The following RIOK3 variants were observed in gnomAD, a reference collection of about 807,000 sequenced individuals.
RIOK3 encodes the protein RIO kinase 3.
Under a neutral mutation model 63.5 loss-of-function variants are expected in RIOK3, and 40 were observed. That is an observed-to-expected ratio of 0.63 (90% confidence interval 0.49 to 0.82). The LOEUF (loss-of-function observed/expected upper bound fraction) is 0.82, where lower values mean the gene tolerates loss of function less well. Ranked by LOEUF, RIOK3 falls within the 40% of genes least tolerant of loss-of-function variation. The pLI, the probability that RIOK3 is intolerant of heterozygous loss-of-function variation, is 0.00. For missense variants in RIOK3, 557 were observed against 637.0 expected (o/e 0.87, Z 1.35); for synonymous variants, 193 against 205.0 (o/e 0.94, Z 0.50).
rs1326114430 is a variant in RIOK3 at position 23,476,974 on chromosome 18, C to T, written c.1174-32C>T. ...TCATCAATAATACCACTTAATTATTCATTTCCTAATGTGTGCCTTCCCTCT... is the reference window on the plus strand; with the variant it reads ...TCATCAATAATACCACTTAATTATTTATTTCCTAATGTGTGCCTTCCCTCT... On this transcript the variant is annotated intron_variant, in intron 9 of 12. Transcript: ENST00000339486. 1.1e-5 allele frequency: 17 copies of T among 1,571,446 alleles called. 1 individual carries two copies. The highest frequency in any genetic ancestry group is 1.4e-5 in the Non-Finnish European group (16 of 1,143,568).
chr18:23,462,441 T>G (rs1221269358), intron 1 of RIOK3, among the ~76,000 whole-genome samples: 1 of 152,248 alleles, frequency 6.6e-6, no homozygotes, highest in Admixed American at 6.5e-5. Flanking sequence ...GCGCCTGGCC[T>G]GTTCTTGTTT....
rs749254482 is a variant in RIOK3, at chr18:23,479,455, C to G, written c.1452+31C>G. 2.2e-6 allele frequency: 3 copies of G among 1,378,778 alleles called. No homozygotes were observed. The South Asian group carries it at 3.5e-5, about 16-fold the overall frequency. The allele number at this position is 1,378,778 out of a possible 1,614,324, so 85.4% of individuals were successfully genotyped here. A position where few individuals can be genotyped will look rare whatever the true frequency, so the allele number is the denominator to read the frequency against. On this transcript the variant is annotated intron_variant, in intron 12 of 12. Transcript: ENST00000339486. ...TGATAAACAGCTGTTTTTCACCTTG[C>G]TGGTCATGCAGAACTGCATAGAGGA...
intron 8 of RIOK3, among the ~76,000 whole-genome samples, chr18:23,474,495 A>G (rs986962063): frequency 6.6e-6 from 1 of 152,166 alleles, no homozygotes; most frequent in Non-Finnish European, 1.5e-5. Flanking sequence ...AAATTCTTCA[A>G]CAGTTTTCCA....
Position 23,481,514 on chromosome 18 carries a change from A to T in RIOK3, c.*235A>T. On this transcript the variant is annotated 3_prime_UTR_variant, in exon 13 of 13. Coordinates refer to ENST00000339486, the MANE Select transcript of RIOK3 (RefSeq NM_003831.5). The stretch of plus-strand genomic sequence containing the variant: ...AGGATAATATAATTCTTTAACAGCT[A>T]TAGGTTATCTGGCTGAAGTAGACCT... 1 of 375,060 alleles carries T rather than the reference A, an allele frequency of 2.7e-6. No homozygotes were observed. Among genetic ancestry groups the T allele is most frequent in the Non-Finnish European group, 4.7e-6 (1 of 210,986 alleles). 23.2% of individuals were successfully genotyped at this position (375,060 alleles called of 1,614,324 possible).
chr18:23,473,150 C>T (rs1417527482), intron 7 of RIOK3, among the ~76,000 whole-genome samples: 1 of 152,150 alleles, frequency 6.6e-6, no homozygotes, highest in Non-Finnish European at 1.5e-5. Context: ...CATATGTCTT[C>T]ATTGTATTTC....
chr18:23,476,744 T>TA (rs936401364), intron 9 of RIOK3, among the ~76,000 whole-genome samples: 6 of 151,720 alleles, frequency 4.0e-5, no homozygotes, highest in East Asian at 3.9e-4. Context: ...CCATCTCTAC[T>TA]AAAAAAAATT....
Position 23,464,051 on chromosome 18 carries a change from TG to T in RIOK3, c.265del (p.Asp89ThrfsTer81). ...TGGCTCAGATGCTACAGATGGAATA[TG>T]ACAGAGAATATGATGCACAGCTTAG... The part of the protein sequence containing the change: ...MLAQMLQMEY[D>X]REYDAQLRRE... On this transcript the variant is annotated frameshift_variant, in exon 3 of 13. Coordinates refer to ENST00000339486, the MANE Select transcript of RIOK3 (RefSeq NM_003831.5). LOFTEE classifies it high-confidence loss of function. 1 of 1,613,614 alleles carries T rather than the reference TG, an allele frequency of 6.2e-7. No homozygotes were observed. The highest frequency in any genetic ancestry group is 8.5e-7 in the Non-Finnish European group (1 of 1,179,790).
Position 23,475,118 on chromosome 18 carries a change from C to T in RIOK3, c.1173+11C>T, listed in dbSNP as rs772603911. The T allele has an allele frequency of 1.3e-6, 2 of 1,593,400 alleles. No homozygotes were observed. Among genetic ancestry groups the T allele is most frequent in the East Asian group, 4.5e-5 (2 of 44,760 alleles). Reference sequence around the variant, plus strand: ...TATCAAACTCTTCATGTAAGTTGTGCTTTTAAAAGAATTCACACACTACCT... The same window carrying T: ...TATCAAACTCTTCATGTAAGTTGTGTTTTTAAAAGAATTCACACACTACCT... On this transcript the variant is annotated intron_variant, in intron 9 of 12. Coordinates refer to ENST00000339486, the MANE Select transcript of RIOK3 (RefSeq NM_003831.5).
Position 23,479,470 on chromosome 18 carries a change from T to C in RIOK3, c.1452+46T>C, listed in dbSNP as rs368446501. 17 of 1,115,138 alleles carry C rather than the reference T, an allele frequency of 1.5e-5. No individual in the cohort carries two copies. The African/African-American group carries it at 2.5e-4, about 16-fold the overall frequency. The allele number at this position is 1,115,138 out of a possible 1,614,324, so 69.1% of individuals were successfully genotyped here. ...TTTCACCTTGCTGGTCATGCAGAAC[T>C]GCATAGAGGAGATAACTGAAACCCA... is the stretch of plus-strand genomic sequence containing the variant. On this transcript the variant is annotated intron_variant, in intron 12 of 12. Transcript: ENST00000339486.
intron 7 of RIOK3, among the ~76,000 whole-genome samples, chr18:23,470,182 G>A (rs548123231): frequency 2.0e-5 from 3 of 152,228 alleles, no homozygotes; most frequent in African/African-American, 7.2e-5. Flanking sequence ...GGTTAACACG[G>A]TGAAACTCCG....
chr18:23,455,392 C>CT (rs2057332982), intron 1 of RIOK3, among the ~76,000 whole-genome samples: 1 of 125,306 alleles, frequency 8.0e-6, no homozygotes, highest in Non-Finnish European at 1.7e-5. Context: ...TTTTTTTTTT[C>CT]TTTTTCTTTT....
At chr18:23,480,606 C>T (rs1239431173) in intron 12 of RIOK3, among the ~76,000 whole-genome samples, 2 of 131,252 alleles carry the variant, frequency 1.5e-5, no homozygotes, top group East Asian at 5.0e-4. Context: ...AATTTCAACT[C>T]AAAGGCAGAA....
At chr18:23,465,319 C>T (rs1476249371) in intron 5 of RIOK3, among the ~76,000 whole-genome samples, 2 of 151,852 alleles carry the variant, frequency 1.3e-5, no homozygotes, top group African/African-American at 4.8e-5. Context: ...TGTAGTGAGC[C>T]GAGATCGTGC....
At position 23,464,323 on chromosome 18, in the gene RIOK3, T is replaced by C; in HGVS notation, c.433+10T>C. On this transcript the variant is annotated intron_variant, in intron 4 of 12. Coordinates refer to ENST00000339486, the MANE Select transcript of RIOK3 (RefSeq NM_003831.5). ...GATCCCTACAGACCAGGTACCAAAG[T>C]TTTTACTTTCTGGGGGCAGCAGAAT... The C allele has an allele frequency of 6.3e-7, 1 of 1,593,436 alleles. No homozygotes were observed. The highest frequency in any genetic ancestry group is 8.6e-7 in the Non-Finnish European group (1 of 1,164,402).
intron 7 of RIOK3, among the ~76,000 whole-genome samples, chr18:23,468,232 C>G (rs538177403): frequency 7.1e-6 from 1 of 141,024 alleles, no homozygotes; most frequent in Non-Finnish European, 1.6e-5. Flanking sequence ...ATTTGTATTT[C>G]TTTTTCTTGT....
chr18:23,477,125 T>G, intron 10 of RIOK3, 39 bp downstream of exon 10: 2 of 1,611,404 alleles, frequency 1.2e-6, no homozygotes, highest in South Asian at 2.2e-5. Context: ...ATTTAATTAC[T>G]GTAAGTAAAA....
In RIOK3 at chr18:23,466,259, A is replaced by G. The variant is rs766023685; in HGVS notation, c.670A>G (p.Lys224Glu). 1.2e-6 allele frequency: 2 copies of G among 1,609,440 alleles called. No individual in the cohort carries two copies. The highest frequency in any genetic ancestry group is 2.2e-5 in the East Asian group (1 of 44,790). Reference protein sequence around the residue: ...ERRSARLHEKKEHSTAEKAVD... With the variant: ...ERRSARLHEKEEHSTAEKAVD... ...TCGAAGTGCCCGCCTACATGAGAAA[A>G]AGGAGCATTCTACAGCAGTAAGGAT... is the stretch of plus-strand genomic sequence containing the variant. The change falls in exon 6 of 13, where the codon AAG becomes GAG. Residue 224 changes from lysine to glutamate, a missense_variant. Lys to Glu is a moderately conservative substitution (Grantham distance 56). Around this residue, in one of 3 missense-constraint regions of RIOK3, gnomAD observed 243 missense variants for 275.4 expected, o/e 0.88. Transcript: ENST00000339486.
rs2057513555 is a variant in RIOK3, at chr18:23,479,068, AGTGTTGGGATAACAAGGATAACAG to A, written c.1345-247_1345-224del. ...AGATCCTCCCTCCTTGGCCTCCCAA[AGTGTTGGGATAACAAGGATAACAG>A]GAGTGAGCCGCCATGCCTGGCTGAG... On this transcript the variant is annotated intron_variant, in intron 11 of 12. Coordinates refer to ENST00000339486, the MANE Select transcript of RIOK3 (RefSeq NM_003831.5). The A allele has an allele frequency of 8.6e-6, 3 of 346,944 alleles. No individual in the cohort carries two copies. The Admixed American group carries it at 1.2e-4, about 14-fold the overall frequency. 21.5% of individuals were successfully genotyped at this position (346,944 alleles called of 1,614,324 possible). A position where few individuals can be genotyped will look rare whatever the true frequency, so the allele number is the denominator to read the frequency against.
At position 23,479,345 on chromosome 18, in the gene RIOK3, C is replaced by A. The variant is rs2057515704; in HGVS notation, c.1373C>A (p.Ala458Asp). 6 of 1,612,928 alleles carry A rather than the reference C, an allele frequency of 3.7e-6. No homozygotes were observed. Among genetic ancestry groups the A allele is most frequent in the Non-Finnish European group, 2.5e-6 (3 of 1,179,098 alleles). ...TTCCAGAAAGGAGGAGTCAAGGAAGCCCTTAGTGAACGAGAACTCTTCAAT... is the reference window on the plus strand; with the variant it reads ...TTCCAGAAAGGAGGAGTCAAGGAAGACCTTAGTGAACGAGAACTCTTCAAT... ...QFFQKGGVKE[A>D]LSERELFNAV... Residue 458 changes from alanine (A) to aspartate (D), a missense_variant, in exon 12 of 13, where the codon GCC becomes GAC. Ala to Asp is a moderately radical substitution (Grantham distance 126). Coordinates refer to ENST00000339486, the MANE Select transcript of RIOK3 (RefSeq NM_003831.5).
Sources: gnomAD v4.1 joint callset for allele counts (sites outside exome capture counted in the v4.1 genomes callset) on GRCh38, gnomAD v4.1.1 for gene constraint, gnomAD v4.1.1 regional missense constraint, MANE v1.5 for transcripts, NCBI Gene and HGNC (gene_info 2026-07-23, HGNC 2026-07-21) for gene names.